Variants in LRIG1 observed in about 807,000 individuals in gnomAD.
LRIG1 encodes leucine-rich repeats and immunoglobulin-like domains protein 1.
LRIG1 carries 48 observed loss-of-function variants against 99.2 expected under a neutral mutation model. That is an observed-to-expected ratio of 0.48 (90% CI 0.38 to 0.62). The LOEUF (loss-of-function observed/expected upper bound fraction) is 0.62. Among genes scored for constraint, LRIG1 ranks in the 20% least tolerant of loss-of-function variants. The pLI, the probability that LRIG1 is intolerant of heterozygous loss-of-function variation, is 0.00. For synonymous variants in LRIG1, 772 were observed against 596.1 expected (o/e 1.29, Z -4.30); for missense variants, 1,646 against 1,434.4 (o/e 1.15, Z -2.38).
intron 1 of LRIG1, among the ~76,000 whole-genome samples, chr3:66,476,187 A>G (rs530268034): frequency 1.3e-5 from 2 of 152,320 alleles, no homozygotes; most frequent in Admixed American, 1.3e-4. Flanking sequence ...CGAAATGCGC[A>G]GAGATTAAAC....
At chr3:66,406,671 T>C (rs6785423) in intron 8 of LRIG1, among the ~76,000 whole-genome samples, 15,326 of 152,232 alleles carry the variant, frequency 0.1, 1,018 homozygotes, top group African/African-American at 0.19. Context: ...GGAAGTTCTA[T>C]GAAGCCAACC....
chr3:66,423,415 T>TA (rs1193778917), intron 3 of LRIG1, among the ~76,000 whole-genome samples: 2 of 151,796 alleles, frequency 1.3e-5, no homozygotes, highest in Non-Finnish European at 2.9e-5. Flanking sequence ...CTACTAAAAA[T>TA]AAAAAATTAG....
intron 3 of LRIG1, among the ~76,000 whole-genome samples, chr3:66,441,608 A>T (rs961380089): frequency 2.0e-5 from 3 of 152,236 alleles, no homozygotes; most frequent in Admixed American, 1.3e-4. Flanking sequence ...TTACAGAGGC[A>T]CGCAGCACCA....
At chr3:66,480,491 G>T (rs1423599004) in intron 1 of LRIG1, among the ~76,000 whole-genome samples, 1 of 151,460 alleles carries the variant, frequency 6.6e-6, no homozygotes, top group East Asian at 1.9e-4. Flanking sequence ...AAAAAGTCCT[G>T]TTGCCCACCT....
At chr3:66,383,967 C>CACACAG in intron 14 of LRIG1, 24 bp downstream of exon 14, 2 of 1,608,034 alleles carry the variant, frequency 1.2e-6, no homozygotes, top group Admixed American at 3.3e-5. Flanking sequence ...CACACACACA[C>CACACAG]ACACAGTAGA....
chr3:66,453,390 G>A (rs923596450), intron 2 of LRIG1, among the ~76,000 whole-genome samples: 1 of 152,204 alleles, frequency 6.6e-6, no homozygotes, highest in Non-Finnish European at 1.5e-5. Flanking sequence ...TAGGTCTCAG[G>A]AACATTTCCA....
rs1185439352 is a variant in LRIG1, at chr3:66,410,231, G to A, written c.833C>T (p.Ser278Leu). Residue 278 changes from serine (S) to leucine (L), a missense_variant, in exon 7 of 19, where the codon TCG becomes TTG. Coordinates refer to ENST00000273261, the MANE Select transcript of LRIG1 (RefSeq NM_015541.3). ...YNSLVEVNSG[S>L]LYGLTALHQL... is the part of the protein sequence containing the mutation. The stretch of plus-strand genomic sequence containing the variant: ...ATGCAGGGCCGTGAGGCCGTAGAGC[G>A]AGCCGCTGTTCACTTCTACCAGGCT... 8 of 1,613,780 alleles carry A rather than the reference G, an allele frequency of 5.0e-6. No individual in the cohort carries two copies. The South Asian group carries it at 5.5e-5, about 11-fold the overall frequency.
intron 3 of LRIG1, among the ~76,000 whole-genome samples, chr3:66,428,523 G>A (rs1703054432): frequency 6.6e-6 from 1 of 152,178 alleles, no homozygotes; most frequent in African/African-American, 2.4e-5. Flanking sequence ...AAGAAATAAT[G>A]TTGATGCTAA....
At chr3:66,422,881 G>A (rs539072760) in intron 3 of LRIG1, among the ~76,000 whole-genome samples, 4 of 152,352 alleles carry the variant, frequency 2.6e-5, no homozygotes, top group South Asian at 4.1e-4. Context: ...GGCAGAAGGC[G>A]AGGAGGAACA....
In LRIG1 at chr3:66,453,991, A is replaced by C. The variant is rs898705274; in HGVS notation, c.291-2358T>G. Among the ~76,000 whole-genome samples, 57 of 152,262 alleles carry C rather than the reference A, an allele frequency of 3.7e-4. 1 individual carries two copies. Among genetic ancestry groups the C allele is most frequent in the African/African-American group, 1.4e-3 (57 of 41,556 alleles). Reference sequence around the variant, plus strand: ...ATTGTGACAGAACTGCTGGAAGTGGAGCATAGAGGGGTGGTGGACCAGTGC... The same window carrying C: ...ATTGTGACAGAACTGCTGGAAGTGGCGCATAGAGGGGTGGTGGACCAGTGC... On this transcript the variant is annotated intron_variant, in intron 2 of 18. Coordinates refer to ENST00000273261, the MANE Select transcript of LRIG1 (RefSeq NM_015541.3).
Position 66,500,244 on chromosome 3 carries a change from C to G in LRIG1, c.164G>C (p.Gly55Ala). Residue 55 changes from glycine (G) to alanine (A), a missense_variant, in exon 1 of 19, where the codon GGT becomes GCT. Coordinates refer to ENST00000273261, the MANE Select transcript of LRIG1 (RefSeq NM_015541.3). ...GGGCAACGCAGCCAGCCCGCGCCCACCGCAGTCCAGCGAGTCCCCAGCGCA... is the reference window on the plus strand; with the variant it reads ...GGGCAACGCAGCCAGCCCGCGCCCAGCGCAGTCCAGCGAGTCCCCAGCGCA... ...CTCAGDSLDC[G>A]GRGLAALPGD... is the part of the protein sequence containing the mutation. The G allele has an allele frequency of 6.6e-7, 1 of 1,510,612 alleles. No homozygotes were observed. The highest frequency in any genetic ancestry group is 8.8e-7 in the Non-Finnish European group (1 of 1,136,288). 93.6% of individuals were successfully genotyped at this position (1,510,612 alleles called of 1,614,324 possible).
At chr3:66,484,165 T>TG in intron 1 of LRIG1, among the ~76,000 whole-genome samples, 1 of 152,184 alleles carries the variant, frequency 6.6e-6, no homozygotes, top group Middle Eastern at 3.2e-3. Flanking sequence ...AAGCAAGGTA[T>TG]ATTCAGGAAA....
At chr3:66,411,569 C>G (rs956522452) in intron 6 of LRIG1, among the ~76,000 whole-genome samples, 1 of 152,126 alleles carries the variant, frequency 6.6e-6, no homozygotes, top group Admixed American at 6.5e-5. Context: ...AGAAGCCCAG[C>G]GGCAGGAAAC....
chr3:66,476,764 T>C (rs1411270109), intron 1 of LRIG1, among the ~76,000 whole-genome samples: 1 of 152,236 alleles, frequency 6.6e-6, no homozygotes, highest in Non-Finnish European at 1.5e-5. Context: ...TATAATTCAC[T>C]AAACCTAGTT....
At chr3:66,466,311 A>G (rs917197391) in intron 1 of LRIG1, among the ~76,000 whole-genome samples, 16 of 152,140 alleles carry the variant, frequency 1.1e-4, no homozygotes, top group Non-Finnish European at 2.1e-4. Context: ...CCAAAGTGAT[A>G]GGATTACCGG....
At chr3:66,408,812 G>C (rs1375516954) in intron 7 of LRIG1, among the ~76,000 whole-genome samples, 2 of 152,110 alleles carry the variant, frequency 1.3e-5, no homozygotes, top group South Asian at 2.1e-4. Flanking sequence ...TGAAACCAAA[G>C]GGTTAACACT....
intron 3 of LRIG1, among the ~76,000 whole-genome samples, chr3:66,438,554 G>C (rs1045413572): frequency 6.6e-6 from 1 of 152,142 alleles, no homozygotes; most frequent in Non-Finnish European, 1.5e-5. Flanking sequence ...CACAAGCCAA[G>C]TGCCCTGACA....
rs192923604 is a variant in LRIG1 at position 66,419,231 on chromosome 3, T to A, written c.366-1965A>T. Among the ~76,000 whole-genome samples the A allele has an allele frequency of 1.7e-3, 264 of 152,250 alleles. 2 individuals are homozygous for A. Among genetic ancestry groups the A allele is most frequent in the South Asian group, 6.8e-3 (33 of 4,824 alleles). On this transcript the variant is annotated intron_variant, in intron 3 of 18. Coordinates refer to ENST00000273261, the MANE Select transcript of LRIG1 (RefSeq NM_015541.3). ...GGGACAGCTGCAGGCCCAACATCTC[T>A]CCCACGCCAGTTCTGTCCTCTCCCC...
Position 66,379,345 on chromosome 3 carries a change from C to A in LRIG1, c.*918G>T, listed in dbSNP as rs577220735. The stretch of plus-strand genomic sequence containing the variant: ...AGTCAGAACTTCCTCCTTTCTGTCC[C>A]CCAAGGCCAATGTAATACTCATTAT... On this transcript the variant is annotated 3_prime_UTR_variant, in exon 19 of 19. Transcript: ENST00000273261. 1 of 152,316 alleles carries A rather than the reference C, an allele frequency of 6.6e-6. No homozygotes were observed. Among genetic ancestry groups the A allele is most frequent in the Admixed American group, 6.5e-5 (1 of 15,278 alleles). 9.4% of individuals were successfully genotyped at this position (152,316 alleles called of 1,614,324 possible).
Sources: gnomAD v4.1 joint callset for allele counts (sites outside exome capture counted in the v4.1 genomes callset) on GRCh38, gnomAD v4.1.1 for gene constraint, MANE v1.5 for transcripts, NCBI Gene and HGNC (gene_info 2026-07-23, HGNC 2026-07-21) for gene names.